Variants in KCNQ3 observed in about 807,000 individuals in gnomAD.
KCNQ3 encodes the protein potassium voltage-gated channel subfamily Q member 3, also known as potassium voltage-gated channel subfamily KQT member 3.
Under a neutral mutation model 92.5 loss-of-function variants are expected in KCNQ3, and 30 were observed. The observed-to-expected ratio is 0.32, with a 90% confidence interval of 0.24 to 0.44. The LOEUF (loss-of-function observed/expected upper bound fraction) is 0.44. KCNQ3 is among the 20% of genes least tolerant of loss of function. The pLI, the probability that KCNQ3 is intolerant of heterozygous loss-of-function variation, is 1.00. For missense variants in KCNQ3, 913 were observed against 1,140.3 expected (o/e 0.80, Z 2.87); for synonymous variants, 450 against 468.8 (o/e 0.96, Z 0.52).
At chr8:132,432,089 T>A (rs1404403878) in intron 1 of KCNQ3, among the ~76,000 whole-genome samples, 1 of 152,232 alleles carries the variant, frequency 6.6e-6, no homozygotes, top group East Asian at 1.9e-4. Flanking sequence ...TAACTGAATT[T>A]GATGCTTGTC....
intron 1 of KCNQ3, among the ~76,000 whole-genome samples, chr8:132,465,675 T>C (rs1587047679): frequency 6.6e-6 from 1 of 151,834 alleles, no homozygotes; most frequent in Non-Finnish European, 1.5e-5. Flanking sequence ...ACCCAGGAGG[T>C]GGAGCTTGCA....
chr8:132,411,960 G>C (rs1820663339), intron 1 of KCNQ3, among the ~76,000 whole-genome samples: 1 of 152,178 alleles, frequency 6.6e-6, no homozygotes, highest in African/African-American at 2.4e-5. Flanking sequence ...ACTCTTTTGA[G>C]CACCAATTCA....
intron 1 of KCNQ3, among the ~76,000 whole-genome samples, chr8:132,316,745 T>G (rs1817753917): frequency 6.6e-6 from 1 of 152,258 alleles, no homozygotes; most frequent in African/African-American, 2.4e-5. Flanking sequence ...AATTAACAAT[T>G]GGCAGTTCTA....
intron 1 of KCNQ3, among the ~76,000 whole-genome samples, chr8:132,201,629 G>A (rs992406167): frequency 2.0e-5 from 3 of 152,164 alleles, no homozygotes; most frequent in Non-Finnish European, 4.4e-5. Context: ...ATAAGACTCC[G>A]GAATAATCTT....
chr8:132,402,557 G>A (rs1488082313), intron 1 of KCNQ3, among the ~76,000 whole-genome samples: 2 of 152,156 alleles, frequency 1.3e-5, no homozygotes, highest in Non-Finnish European at 2.9e-5. Context: ...CTTGCATGCT[G>A]TTTCTAAATG....
chr8:132,228,247 C>G (rs1253625441), intron 1 of KCNQ3, among the ~76,000 whole-genome samples: 2 of 151,728 alleles, frequency 1.3e-5, no homozygotes, highest in Non-Finnish European at 2.9e-5. Flanking sequence ...TTCAAGAATC[C>G]AAAATATTCA....
chr8:132,140,670 GAA>G (rs1825263234), intron 10 of KCNQ3: 1 of 251,156 alleles, frequency 4.0e-6, no homozygotes, highest in Admixed American at 5.1e-5. Flanking sequence ...AGACACTGAG[GAA>G]ACAGGCTTTT....
intron 1 of KCNQ3, among the ~76,000 whole-genome samples, chr8:132,208,231 T>C (rs1813728462): frequency 6.6e-6 from 1 of 152,048 alleles, no homozygotes; most frequent in African/African-American, 2.4e-5. Context: ...GGAAATCAAT[T>C]ACACCAATTA....
intron 1 of KCNQ3, among the ~76,000 whole-genome samples, chr8:132,458,991 T>G (rs1049661304): frequency 1.3e-5 from 2 of 152,226 alleles, no homozygotes; most frequent in African/African-American, 2.4e-5. Flanking sequence ...CATATTTCAT[T>G]TAGTTTCACA....
At chr8:132,373,826 G>A (rs73345953) in intron 1 of KCNQ3, among the ~76,000 whole-genome samples, 2,295 of 152,194 alleles carry the variant, frequency 0.015, 72 homozygotes, top group African/African-American at 0.053. Context: ...CAGCTCCCCA[G>A]GTTGGTTCCA....
chr8:132,170,165 G>A (rs990148541), intron 8 of KCNQ3, among the ~76,000 whole-genome samples, 169 bp downstream of exon 8: 4 of 152,208 alleles, frequency 2.6e-5, no homozygotes, highest in Admixed American at 1.3e-4. Context: ...GAGCCACCGC[G>A]CCCAGCCAGA....
At chr8:132,459,086 AG>A (rs1399703061) in intron 1 of KCNQ3, among the ~76,000 whole-genome samples, 3 of 152,180 alleles carry the variant, frequency 2.0e-5, no homozygotes, top group Admixed American at 6.5e-5. Context: ...AATACTGGTC[AG>A]GTATTTTGTG....
At chr8:132,434,266 A>T in intron 1 of KCNQ3, among the ~76,000 whole-genome samples, 1 of 151,720 alleles carries the variant, frequency 6.6e-6, no homozygotes. Context: ...TGATATTTTT[A>T]AGTTGCTAAT....
chr8:132,454,845 C>A (rs1821902566), intron 1 of KCNQ3, among the ~76,000 whole-genome samples: 1 of 152,212 alleles, frequency 6.6e-6, no homozygotes, highest in African/African-American at 2.4e-5. Context: ...TATTATACAG[C>A]CACTAAAAGG....
At chr8:132,256,269 C>T (rs1469970223) in intron 1 of KCNQ3, among the ~76,000 whole-genome samples, 4 of 151,654 alleles carry the variant, frequency 2.6e-5, no homozygotes, top group African/African-American at 7.3e-5. Context: ...TAAAAATAAG[C>T]CAACTTGAAG....
intron 1 of KCNQ3, among the ~76,000 whole-genome samples, chr8:132,333,789 A>G (rs914470409): frequency 6.6e-6 from 1 of 150,728 alleles, no homozygotes; most frequent in African/African-American, 2.4e-5. Context: ...GCTGGAGTGC[A>G]GTGGTGTGAT....
chr8:132,458,918 T>C (rs1353054150), intron 1 of KCNQ3, among the ~76,000 whole-genome samples: 1 of 152,248 alleles, frequency 6.6e-6, no homozygotes, highest in Non-Finnish European at 1.5e-5. Context: ...GTCCATACTT[T>C]ATTCAGATTC....
intron 1 of KCNQ3, among the ~76,000 whole-genome samples, chr8:132,222,461 T>C (rs1814269694): frequency 1.3e-5 from 2 of 152,196 alleles, no homozygotes. Flanking sequence ...ATATAATTCC[T>C]TGCTAAGTTG....
At chr8:132,357,698 C>G (rs1335228392) in intron 1 of KCNQ3, among the ~76,000 whole-genome samples, 1 of 152,222 alleles carries the variant, frequency 6.6e-6, no homozygotes, top group Non-Finnish European at 1.5e-5. Flanking sequence ...AGTCTCCAAG[C>G]TGTTGCTTCT....
Sources: allele counts gnomAD v4.1 joint callset (sites outside exome capture counted in the v4.1 genomes callset), GRCh38; gene constraint gnomAD v4.1.1; transcripts MANE v1.5; gene names NCBI Gene and HGNC (gene_info 2026-07-23, HGNC 2026-07-21).